The following PRKN variants were observed in gnomAD, a reference collection of about 807,000 sequenced individuals.
PRKN encodes the protein parkin RBR E3 ubiquitin protein ligase.
PRKN carries 56 observed loss-of-function variants against 59.5 expected under a neutral mutation model. That is an observed-to-expected ratio of 0.94 (90% CI 0.76 to 1.18). PRKN has a LOEUF of 1.18. Ranked by LOEUF, PRKN falls within the 50% of genes most tolerant of loss-of-function variation. PRKN has a pLI of 0.00. For missense variants in PRKN, 657 were observed against 596.4 expected (o/e 1.10, Z -1.06); for synonymous variants, 250 against 222.1 (o/e 1.13, Z -1.12).
rs527794485 is a variant in PRKN at position 162,494,809 on chromosome 6, C to T, written c.8-51336G>A. Among the ~76,000 whole-genome samples, 7 of 152,264 alleles carry T rather than the reference C, an allele frequency of 4.6e-5. No homozygotes were observed. The East Asian group carries it at 7.8e-4, about 17-fold the overall frequency. ...ATTTTTTCATAGCTGTAGAATCAAGCGAAGTAGGCATTTTGCCTATGTCGT... is the reference window on the plus strand; with the variant it reads ...ATTTTTTCATAGCTGTAGAATCAAGTGAAGTAGGCATTTTGCCTATGTCGT... On this transcript the variant is annotated intron_variant, in intron 1 of 11. Transcript: ENST00000366898.
chr6:162,023,043 G>A (rs532996414), intron 5 of PRKN, among the ~76,000 whole-genome samples: 3 of 152,200 alleles, frequency 2.0e-5, no homozygotes, highest in South Asian at 2.1e-4. Context: ...GTATTGAAAT[G>A]GGAAAGGTTC....
intron 7 of PRKN, among the ~76,000 whole-genome samples, chr6:161,733,109 G>A (rs1052902521): frequency 3.9e-5 from 6 of 152,170 alleles, no homozygotes; most frequent in African/African-American, 1.4e-4. Flanking sequence ...CTGGGTATAT[G>A]AGGTATTATT....
chr6:162,156,340 G>A (rs1275596853), intron 4 of PRKN, among the ~76,000 whole-genome samples: 3 of 152,140 alleles, frequency 2.0e-5, no homozygotes, highest in South Asian at 2.1e-4. Context: ...TGACTCACAC[G>A]ATCACAAGGT....
At chr6:162,034,916 T>C (rs925360882) in intron 5 of PRKN, among the ~76,000 whole-genome samples, 2 of 152,194 alleles carry the variant, frequency 1.3e-5, no homozygotes, top group African/African-American at 4.8e-5. Context: ...AATGTTAATG[T>C]CTTAGTCCTT....
At chr6:161,753,385 G>C (rs748258117) in intron 7 of PRKN, among the ~76,000 whole-genome samples, 3 of 152,116 alleles carry the variant, frequency 2.0e-5, no homozygotes, top group Non-Finnish European at 4.4e-5. Flanking sequence ...GTCTTATCCA[G>C]TGGAATATCC....
At chr6:161,794,134 A>G (rs1790746343) in intron 6 of PRKN, among the ~76,000 whole-genome samples, 1 of 152,084 alleles carries the variant, frequency 6.6e-6, no homozygotes, top group African/African-American at 2.4e-5. Flanking sequence ...AAAGTTCCCT[A>G]TCAAATTAAT....
chr6:161,807,988 G>A (rs1791406702), intron 6 of PRKN, among the ~76,000 whole-genome samples: 1 of 152,124 alleles, frequency 6.6e-6, no homozygotes, highest in South Asian at 2.1e-4. Flanking sequence ...GAAGTGATAT[G>A]TCATTTACAT....
chr6:162,091,419 A>C (rs962289310), intron 4 of PRKN, among the ~76,000 whole-genome samples: 4 of 152,230 alleles, frequency 2.6e-5, no homozygotes, highest in Non-Finnish European at 5.9e-5. Context: ...ATTTACTATG[A>C]AAATCAGACT....
At chr6:161,514,471 A>G (rs556916094) in intron 9 of PRKN, among the ~76,000 whole-genome samples, 1 of 152,274 alleles carries the variant, frequency 6.6e-6, no homozygotes, top group Admixed American at 6.5e-5. Flanking sequence ...GAAGAAGGCA[A>G]GGTTTTAAAA....
chr6:162,036,187 G>A (rs1196259587), intron 5 of PRKN, among the ~76,000 whole-genome samples: 7 of 151,552 alleles, frequency 4.6e-5, no homozygotes, highest in East Asian at 2.0e-4. Context: ...AGCCGGGCGT[G>A]GTGGCGGGCG....
intron 1 of PRKN, among the ~76,000 whole-genome samples, chr6:162,544,632 G>A (rs1014344137): frequency 4.7e-5 from 7 of 149,428 alleles, no homozygotes; most frequent in Non-Finnish European, 8.9e-5. Flanking sequence ...TCTCCTATGC[G>A]ATCTCACATT....
intron 7 of PRKN, among the ~76,000 whole-genome samples, chr6:161,664,496 C>T (rs557758885): frequency 5.9e-5 from 9 of 151,872 alleles, no homozygotes; most frequent in Non-Finnish European, 8.8e-5. Context: ...TTCTTAGAAC[C>T]GGTATCCTTT....
At position 161,585,488 on chromosome 6, in the gene PRKN, C is replaced by T. The variant is rs369843049; in HGVS notation, c.872-16072G>A. 8.9e-4 allele frequency among the ~76,000 whole-genome samples: 135 copies of T among 152,266 alleles called. 1 individual carries two copies. Among genetic ancestry groups the T allele is most frequent in the South Asian group, 5.8e-3 (28 of 4,818 alleles). ...GTCATACCAAAGAGAAATTAAAACC[C>T]AAGACTATTCTAAACGCCAAATAGA... On this transcript the variant is annotated intron_variant, in intron 7 of 11. Transcript: ENST00000366898.
chr6:162,381,013 C>A (rs1362608208), intron 2 of PRKN, among the ~76,000 whole-genome samples: 1 of 152,092 alleles, frequency 6.6e-6, no homozygotes, highest in Non-Finnish European at 1.5e-5. Flanking sequence ...AGACTTAGAG[C>A]AGGATCCGCA....
chr6:161,365,016 G>T (rs149070455), intron 10 of PRKN, among the ~76,000 whole-genome samples: 1 of 152,042 alleles, frequency 6.6e-6, no homozygotes, highest in East Asian at 1.9e-4. Context: ...TAATGCGCTG[G>T]CATGATTCAG....
chr6:162,417,883 C>T (rs1788721381), intron 2 of PRKN, among the ~76,000 whole-genome samples: 1 of 152,192 alleles, frequency 6.6e-6, no homozygotes, highest in Non-Finnish European at 1.5e-5. Flanking sequence ...CTTTTCAATA[C>T]TCCATGAACT....
At chr6:162,458,224 C>A in intron 1 of PRKN, among the ~76,000 whole-genome samples, 1 of 132,288 alleles carries the variant, frequency 7.6e-6, no homozygotes. Context: ...CCACTGCACT[C>A]CAGCCTGGGT....
intron 9 of PRKN, among the ~76,000 whole-genome samples, chr6:161,438,855 C>T (rs1789053642): frequency 6.6e-6 from 1 of 152,048 alleles, no homozygotes; most frequent in Non-Finnish European, 1.5e-5. Flanking sequence ...ATGCCTTTTA[C>T]TGAAAGCAAG....
At chr6:161,934,708 A>T (rs1779289130) in intron 6 of PRKN, among the ~76,000 whole-genome samples, 2 of 152,102 alleles carry the variant, frequency 1.3e-5, no homozygotes, top group African/African-American at 2.4e-5. Context: ...TTGTATTTTA[A>T]ATATATGTTG....
Sources: allele counts gnomAD v4.1 joint callset (sites outside exome capture counted in the v4.1 genomes callset), GRCh38; gene constraint gnomAD v4.1.1; transcripts MANE v1.5; gene names NCBI Gene and HGNC (gene_info 2026-07-23, HGNC 2026-07-21).